The following GPC5 variants were observed in gnomAD, a reference collection of about 807,000 sequenced individuals.
GPC5 encodes glypican-5.
In GPC5, 47 loss-of-function variants were observed where a neutral mutation model predicts 53.9. The ratio of observed to expected loss-of-function variants is 0.87; its 90% confidence interval spans 0.69 to 1.11. The LOEUF is 1.11. Among genes scored for constraint, GPC5 ranks in the 50% most tolerant of loss-of-function variants. The pLI is 0.00. For synonymous variants in GPC5, 286 were observed against 263.3 expected (o/e 1.09, Z -0.84); for missense variants, 748 against 713.1 (o/e 1.05, Z -0.56).
chr13:91,852,485 GT>G (rs901668844), intron 5 of GPC5, among the ~76,000 whole-genome samples: 16 of 147,658 alleles, frequency 1.1e-4, no homozygotes, highest in South Asian at 6.5e-4. Context: ...TGGTTTACTT[GT>G]TTTTTTTTTC....
intron 7 of GPC5, chr13:92,180,602 G>C (rs1025227328): frequency 5.8e-5 from 9 of 153,984 alleles, no homozygotes; most frequent in African/African-American, 1.9e-4. Flanking sequence ...TTGTGATAAA[G>C]ATCACTGAAC....
intron 5 of GPC5, among the ~76,000 whole-genome samples, chr13:91,849,635 A>G (rs775907279): frequency 3.9e-5 from 6 of 152,304 alleles, no homozygotes; most frequent in African/African-American, 1.4e-4. Context: ...CAGTTTGAAA[A>G]GAGTTGCTTT....
At chr13:91,675,094 G>A (rs2035351120) in intron 2 of GPC5, among the ~76,000 whole-genome samples, 1 of 150,610 alleles carries the variant, frequency 6.6e-6, no homozygotes, top group Non-Finnish European at 1.5e-5. Context: ...TAATGCGTTT[G>A]TTTACTATCA....
At chr13:92,632,211 T>G (rs990620723) in intron 7 of GPC5, among the ~76,000 whole-genome samples, 7 of 152,244 alleles carry the variant, frequency 4.6e-5, no homozygotes, top group Non-Finnish European at 8.8e-5. Context: ...CCAATTTGAA[T>G]GATGAATACA....
At chr13:91,649,886 T>C (rs2034654404) in intron 2 of GPC5, among the ~76,000 whole-genome samples, 1 of 152,214 alleles carries the variant, frequency 6.6e-6, no homozygotes. Context: ...TTGCTACTGA[T>C]TACTATGTTC....
chr13:92,313,359 A>G (rs2043158160), intron 7 of GPC5, among the ~76,000 whole-genome samples: 1 of 152,188 alleles, frequency 6.6e-6, no homozygotes, highest in Non-Finnish European at 1.5e-5. Context: ...AAAAATCTCC[A>G]TCTATCCAGT....
In GPC5 at chr13:91,572,217, A is replaced by ATACACATATGTATATATGTGTATG. The variant is rs1566517664; in HGVS notation, c.326-120968_326-120967insCACATATGTATATATGTGTATGTA. 1.1e-4 allele frequency among the ~76,000 whole-genome samples: 10 copies of ATACACATATGTATATATGTGTATG among 89,470 alleles called. 1 individual carries two copies. The highest frequency in any genetic ancestry group is 5.4e-4 in the East Asian group (2 of 3,694). The allele number at this position is 89,470 out of a possible 152,430, so 58.7% of individuals were successfully genotyped here. On this transcript the variant is annotated intron_variant, in intron 2 of 7. Transcript: ENST00000377067. The stretch of plus-strand genomic sequence containing the variant: ...CACACATATGTATATATACGTGTAT[A>ATACACATATGTATATATGTGTATG]TATATACACATATGTATATACATGT...
chr13:91,914,789 CAGG>C (rs1173337855), intron 6 of GPC5, among the ~76,000 whole-genome samples: 2 of 151,992 alleles, frequency 1.3e-5, no homozygotes, highest in South Asian at 2.1e-4. Context: ...AACACAATCA[CAGG>C]AGTTTTAAAA....
intron 7 of GPC5, among the ~76,000 whole-genome samples, chr13:92,789,591 A>AT: frequency 6.6e-6 from 1 of 152,226 alleles, no homozygotes; most frequent in East Asian, 1.9e-4. Context: ...TTAAATATAT[A>AT]TTTTTACAGA....
intron 7 of GPC5, among the ~76,000 whole-genome samples, chr13:92,317,141 C>T (rs2139217925): frequency 6.6e-6 from 1 of 152,198 alleles, no homozygotes; most frequent in South Asian, 2.1e-4. Context: ...GTGCCTTTGT[C>T]CAGAGCCTTC....
At chr13:92,286,921 T>G (rs1420193864) in intron 7 of GPC5, among the ~76,000 whole-genome samples, 1 of 152,046 alleles carries the variant, frequency 6.6e-6, no homozygotes, top group Non-Finnish European at 1.5e-5. Flanking sequence ...AAATATGGCA[T>G]GAAAATACAC....
At chr13:91,494,789 G>C (rs1884158305) in intron 2 of GPC5, among the ~76,000 whole-genome samples, 1 of 151,922 alleles carries the variant, frequency 6.6e-6, no homozygotes, top group African/African-American at 2.4e-5. Context: ...CTTATTGACT[G>C]CCCTGCCTTA....
At chr13:91,987,445 C>T (rs1033834901) in intron 6 of GPC5, among the ~76,000 whole-genome samples, 1 of 152,132 alleles carries the variant, frequency 6.6e-6, no homozygotes, top group African/African-American at 2.4e-5. Context: ...GATTGGACAA[C>T]GTTCCCATTT....
rs762340239 is a variant in GPC5, at chr13:91,693,428, ATAC to A, written c.569_571del (p.Tyr190del). 3.1e-6 allele frequency: 5 copies of A among 1,614,146 alleles called. No homozygotes were observed. Among genetic ancestry groups the A allele is most frequent in the African/African-American group, 2.7e-5 (2 of 75,054 alleles). ...CTGGTGTGACTGACAGTTCCCTGGA[ATAC>A]TCAGAATGCATCCGGATGGCTCGCC... On this transcript the variant is annotated inframe_deletion, in exon 3 of 8. Transcript: ENST00000377067.
At chr13:91,471,834 C>A (rs558204297) in intron 2 of GPC5, among the ~76,000 whole-genome samples, 45 of 151,974 alleles carry the variant, frequency 3.0e-4, no homozygotes, top group African/African-American at 1.1e-3. Flanking sequence ...CTTTTGTTAC[C>A]GAGCAGCCTC....
chr13:92,123,857 A>G (rs1166564386), intron 6 of GPC5, among the ~76,000 whole-genome samples: 1 of 152,226 alleles, frequency 6.6e-6, no homozygotes, highest in Non-Finnish European at 1.5e-5. Context: ...TTAATTTTGT[A>G]TTGAATAAAC....
chr13:92,567,855 C>T lies in GPC5; in HGVS notation c.1562-298427C>T, dbSNP rs1312712603. Among the ~76,000 whole-genome samples the T allele has an allele frequency of 3.9e-5, 6 of 152,096 alleles. No homozygotes were observed. The East Asian group carries it at 5.8e-4, about 15-fold the overall frequency. ...TTGTTTTAAGCCACTAAGTTTGTGG[C>T]GATGTGGTATGGCAGCACTATAAAA... On this transcript the variant is annotated intron_variant, in intron 7 of 7. Transcript: ENST00000377067.
At chr13:92,037,687 A>T (rs1013167769) in intron 6 of GPC5, among the ~76,000 whole-genome samples, 18 of 152,220 alleles carry the variant, frequency 1.2e-4, no homozygotes, top group Non-Finnish European at 2.6e-4. Flanking sequence ...ATGACTACAT[A>T]AATCCCTGAA....
intron 7 of GPC5, among the ~76,000 whole-genome samples, chr13:92,194,793 T>C (rs1182953836): frequency 6.6e-6 from 1 of 152,228 alleles, no homozygotes; most frequent in Non-Finnish European, 1.5e-5. Flanking sequence ...TCACTTCCAA[T>C]GGTCTTTCTC....
Sources: allele counts gnomAD v4.1 joint callset (sites outside exome capture counted in the v4.1 genomes callset), GRCh38; gene constraint gnomAD v4.1.1; transcripts MANE v1.5; gene names NCBI Gene and HGNC (gene_info 2026-07-23, HGNC 2026-07-21).